Variants in FAM110B observed in about 807,000 individuals in gnomAD.
FAM110B encodes protein FAM110B.
FAM110B carries 6 observed loss-of-function variants against 20.4 expected under a neutral mutation model. The observed-to-expected ratio is 0.29, with a 90% confidence interval of 0.16 to 0.58. FAM110B has a LOEUF of 0.58. FAM110B is among the 20% of genes least tolerant of loss of function. The probability of loss-of-function intolerance (pLI) is 0.90; values close to 1 mark genes in which losing one functional copy is unlikely to be tolerated. For missense variants in FAM110B, 434 were observed against 498.2 expected (o/e 0.87, Z 1.23); for synonymous variants, 226 against 214.1 (o/e 1.06, Z -0.49).
chr8:58,013,313 C>A (rs1018787778), intron 1 of FAM110B, among the ~76,000 whole-genome samples: 1 of 152,200 alleles, frequency 6.6e-6, no homozygotes, highest in African/African-American at 2.4e-5. Flanking sequence ...AAAGGGGCAG[C>A]TTTGGGCTGT....
At chr8:58,073,716 A>T (rs906126478) in intron 2 of FAM110B, among the ~76,000 whole-genome samples, 9 of 152,196 alleles carry the variant, frequency 5.9e-5, no homozygotes, top group Admixed American at 3.3e-4. Flanking sequence ...CATTGGCAGG[A>T]ATTGTCATTT....
chr8:58,101,922 A>C (rs1806788886), intron 3 of FAM110B, among the ~76,000 whole-genome samples: 1 of 152,208 alleles, frequency 6.6e-6, no homozygotes, highest in Non-Finnish European at 1.5e-5. Context: ...AAGGCAAGGC[A>C]CTAAAAAGCC....
At chr8:58,117,403 A>G (rs923339072) in intron 3 of FAM110B, among the ~76,000 whole-genome samples, 1 of 152,230 alleles carries the variant, frequency 6.6e-6, no homozygotes, top group African/African-American at 2.4e-5. Flanking sequence ...ACAGAGCAAC[A>G]GAACTACTGC....
chr8:58,008,057 A>T (rs1585806403), intron 1 of FAM110B, among the ~76,000 whole-genome samples: 1 of 151,010 alleles, frequency 6.6e-6, no homozygotes, highest in East Asian at 2.0e-4. Context: ...GTGCTCATAG[A>T]TGTTTAATAG....
chr8:58,007,161 A>G (rs939386997), intron 1 of FAM110B, among the ~76,000 whole-genome samples: 3 of 151,814 alleles, frequency 2.0e-5, no homozygotes, highest in South Asian at 2.1e-4. Flanking sequence ...CACCTTCACC[A>G]TCTCTTAAAA....
chr8:58,098,342 G>A (rs1024548748), intron 3 of FAM110B, among the ~76,000 whole-genome samples: 1 of 152,216 alleles, frequency 6.6e-6, no homozygotes, highest in Non-Finnish European at 1.5e-5. Context: ...TGTTTATGCT[G>A]TGAGGGGAAA....
chr8:58,014,170 T>C (rs1339254871), intron 1 of FAM110B, among the ~76,000 whole-genome samples: 1 of 152,142 alleles, frequency 6.6e-6, no homozygotes, highest in East Asian at 1.9e-4. Context: ...ATCCAGACTG[T>C]CTAGTAAGAA....
intron 3 of FAM110B, among the ~76,000 whole-genome samples, chr8:58,076,604 T>C (rs1806043666): frequency 6.6e-6 from 1 of 152,122 alleles, no homozygotes; most frequent in African/African-American, 2.4e-5. Flanking sequence ...GCTAAGGAAG[T>C]GGAAGAATGG....
At chr8:58,006,113 T>G (rs1804396870) in intron 1 of FAM110B, among the ~76,000 whole-genome samples, 1 of 152,240 alleles carries the variant, frequency 6.6e-6, no homozygotes, top group Non-Finnish European at 1.5e-5. Context: ...TTCCTGGCAC[T>G]ATTTTGTACT....
intron 3 of FAM110B, among the ~76,000 whole-genome samples, chr8:58,089,171 T>TA (rs1806411537): frequency 6.6e-6 from 1 of 152,240 alleles, no homozygotes; most frequent in African/African-American, 2.4e-5. Context: ...AACTTTAGTG[T>TA]ATATGGATCA....
intron 3 of FAM110B, among the ~76,000 whole-genome samples, chr8:58,121,811 C>G (rs1807367751): frequency 6.6e-6 from 1 of 152,182 alleles, no homozygotes; most frequent in African/African-American, 2.4e-5. Flanking sequence ...AGACCTCTTT[C>G]CTGTATCTCT....
chr8:58,081,246 G>T (rs1806183202), intron 3 of FAM110B, among the ~76,000 whole-genome samples: 1 of 152,082 alleles, frequency 6.6e-6, no homozygotes. Flanking sequence ...TGGCTCTGTT[G>T]CCCAGGCTGG....
intron 2 of FAM110B, among the ~76,000 whole-genome samples, chr8:58,068,995 T>G (rs944837474): frequency 1.3e-5 from 2 of 152,252 alleles, no homozygotes; most frequent in African/African-American, 2.4e-5. Flanking sequence ...AAAATTTATT[T>G]TTAAGATAGC....
intron 1 of FAM110B, among the ~76,000 whole-genome samples, chr8:58,019,997 G>A (rs570848097): frequency 1.0e-3 from 155 of 151,674 alleles, no homozygotes; most frequent in Non-Finnish European, 1.6e-3. Context: ...CAAGTCACTT[G>A]TACTTAATTT....
intron 1 of FAM110B, among the ~76,000 whole-genome samples, chr8:58,010,061 G>A (rs1804496687): frequency 1.3e-5 from 2 of 152,158 alleles, no homozygotes; most frequent in Admixed American, 1.3e-4. Context: ...CTGTCATCCA[G>A]GCTGGAGTGC....
At chr8:58,016,995 G>A (rs1804651423) in intron 1 of FAM110B, among the ~76,000 whole-genome samples, 2 of 152,190 alleles carry the variant, frequency 1.3e-5, no homozygotes, top group Admixed American at 1.3e-4. Context: ...AACAGACTGA[G>A]GCTCGAAACA....
chr8:58,121,308 T>C (rs1008309201), intron 3 of FAM110B, among the ~76,000 whole-genome samples: 2 of 152,206 alleles, frequency 1.3e-5, no homozygotes, highest in Admixed American at 1.3e-4. Context: ...TGTATTCTCC[T>C]GTGGGTCTCA....
chr8:58,021,454 A>G (rs570061568), intron 1 of FAM110B, among the ~76,000 whole-genome samples: 4 of 152,318 alleles, frequency 2.6e-5, no homozygotes, highest in Non-Finnish European at 5.9e-5. Flanking sequence ...AAGCCAGAAA[A>G]CATGAAAAGT....
intron 2 of FAM110B, among the ~76,000 whole-genome samples, chr8:58,033,632 G>A (rs989444668): frequency 5.9e-5 from 9 of 151,926 alleles, no homozygotes; most frequent in Non-Finnish European, 1.3e-4. Flanking sequence ...CTCAAAAGGA[G>A]ACATAACAAG....
Sources: gnomAD v4.1 joint callset for allele counts (sites outside exome capture counted in the v4.1 genomes callset) on GRCh38, gnomAD v4.1.1 for gene constraint, MANE v1.5 for transcripts, NCBI Gene and HGNC (gene_info 2026-07-23, HGNC 2026-07-21) for gene names.